The following EPHB3 variants were observed in gnomAD, a reference collection of about 807,000 sequenced individuals.
EPHB3 encodes EPH receptor B3.
EPHB3 carries 33 observed loss-of-function variants against 100.2 expected under a neutral mutation model. That is an observed-to-expected ratio of 0.33 (90% CI 0.25 to 0.44). EPHB3 has a LOEUF of 0.44. Ranked by LOEUF, EPHB3 falls within the 20% of genes least tolerant of loss-of-function variation. The pLI, the probability that EPHB3 is intolerant of heterozygous loss-of-function variation, is 1.00. For synonymous variants in EPHB3, 526 were observed against 554.7 expected (o/e 0.95, Z 0.73); for missense variants, 1,045 against 1,378.3 (o/e 0.76, Z 3.83).
At position 184,578,140 on chromosome 3, in the gene EPHB3, T is replaced by C. The variant is rs1211605996; in HGVS notation, c.1748+134T>C. The C allele has an allele frequency of 2.0e-5, 20 of 1,019,922 alleles. No homozygotes were observed. The African/African-American group carries it at 2.8e-4, about 14-fold the overall frequency. The allele number at this position is 1,019,922 out of a possible 1,614,324, so 63.2% of individuals were successfully genotyped here. A position where few individuals can be genotyped will look rare whatever the true frequency, so the allele number is the denominator to read the frequency against. ...GCCTTAGCCCTCCTGGGGCCAGCCGTTGCTGGAGAAGCCCTCTCCCATCCC... is the reference window on the plus strand; with the variant it reads ...GCCTTAGCCCTCCTGGGGCCAGCCGCTGCTGGAGAAGCCCTCTCCCATCCC... On this transcript the variant is annotated intron_variant, in intron 8 of 15. Coordinates refer to ENST00000330394, the MANE Select transcript of EPHB3 (RefSeq NM_004443.4). The surrounding 1 kb of genome is among the most constrained non-coding windows in gnomAD (Gnocchi z 4.7).
rs570615248 is a variant in EPHB3, at chr3:184,571,797, G to A, written c.183+415G>A. Among the ~76,000 whole-genome samples the A allele has an allele frequency of 9.5e-4, 144 of 152,192 alleles. 1 individual carries two copies. Among genetic ancestry groups the A allele is most frequent in the Non-Finnish European group, 1.4e-3 (94 of 67,998 alleles). On this transcript the variant is annotated intron_variant, in intron 2 of 15. Coordinates refer to ENST00000330394, the MANE Select transcript of EPHB3 (RefSeq NM_004443.4). The surrounding 1 kb of genome is among the most constrained non-coding windows in gnomAD (Gnocchi z 5.0). ...CCCTCTGGGTGGCCACTTCTTGACTGTTAAATTCCCGCAGTCCGGACCTCT... is the reference window on the plus strand; with the variant it reads ...CCCTCTGGGTGGCCACTTCTTGACTATTAAATTCCCGCAGTCCGGACCTCT...
rs545810094 is a variant in EPHB3, at chr3:184,566,605, G to A, written c.118+4252G>A. On this transcript the variant is annotated intron_variant, in intron 1 of 15. Transcript: ENST00000330394. ...ACACATCCTGACCCATGGGAGGGGA[G>A]CCAGCTTGGTGGCTGAGGAAGGGAC... Among the ~76,000 whole-genome samples the A allele has an allele frequency of 3.3e-5, 5 of 152,328 alleles. No homozygotes were observed. In the South Asian group the frequency reaches 6.2e-4, roughly 19 times the overall value.
At chr3:184,567,797 G>C (rs1395568537) in intron 1 of EPHB3, among the ~76,000 whole-genome samples, 1 of 152,212 alleles carries the variant, frequency 6.6e-6, no homozygotes, top group Non-Finnish European at 1.5e-5. Flanking sequence ...TGCAGGGTTG[G>C]GGGTGAGTGC....
intron 4 of EPHB3, 131 bp downstream of exon 4, chr3:184,576,116 G>T: frequency 7.7e-7 from 1 of 1,295,248 alleles, no homozygotes; most frequent in South Asian, 1.6e-5. Context: ...GAAGTTAGAT[G>T]TTGCGCTCAA....
Position 184,562,350 on chromosome 3 carries a change from G to A in EPHB3, c.115G>A (p.Glu39Lys). Residue 39 changes from glutamate to lysine, a missense_variant, in exon 1 of 16, where the codon GAA becomes AAA. Glu to Lys is a moderately conservative substitution (Grantham distance 56). This residue lies in a region of EPHB3 where 60 missense variants were observed against 47.2 expected (regional missense o/e 1.27). Coordinates refer to ENST00000330394, the MANE Select transcript of EPHB3 (RefSeq NM_004443.4). The surrounding 1 kb of genome is among the most constrained non-coding windows in gnomAD (Gnocchi z 4.8). ...GCTGCCCGCCGGCTGCCGGGCGCTG[G>A]AAGGTGAGCGGCGTCGGGGGGCGCG... The part of the protein sequence containing the change: ...LLLPAGCRAL[E>K]ETLMDTKWVT... 8.1e-7 allele frequency: 1 copy of A among 1,232,694 alleles called. No homozygotes were observed. Among genetic ancestry groups the A allele is most frequent in the East Asian group, 3.4e-5 (1 of 29,476 alleles). 76.4% of individuals were successfully genotyped at this position (1,232,694 alleles called of 1,614,324 possible).
In EPHB3 at chr3:184,577,122, C is replaced by T; in HGVS notation, c.1293C>T (p.Val431=). 6.2e-7 allele frequency: 1 copy of T among 1,612,200 alleles called. No homozygotes were observed. The highest frequency in any genetic ancestry group is 8.5e-7 in the Non-Finnish European group (1 of 1,179,012). The change falls in exon 5 of 16, where the codon GTC becomes GTT. Residue 431 remains valine (V), a synonymous_variant. Coordinates refer to ENST00000330394, the MANE Select transcript of EPHB3 (RefSeq NM_004443.4). The surrounding 1 kb of genome is among the most constrained non-coding windows in gnomAD (Gnocchi z 4.9). ...TTGAGGTGCAGGCGGTCAACGGTGT[C>T]TCGGGCAAGAGCCCTCTGCCGCCTC... ...YTFEVQAVNG[V]SGKSPLPPRY...
At chr3:184,566,697 G>A (rs988844373) in intron 1 of EPHB3, among the ~76,000 whole-genome samples, 8 of 152,292 alleles carry the variant, frequency 5.3e-5, no homozygotes, top group African/African-American at 1.9e-4. Flanking sequence ...TCCTCCTTGC[G>A]CAGACCCTGG....
Position 184,579,442 on chromosome 3 carries a change from C to T in EPHB3, c.1802-35C>T, listed in dbSNP as rs749599199. On this transcript the variant is annotated intron_variant, in intron 9 of 15. Coordinates refer to ENST00000330394, the MANE Select transcript of EPHB3 (RefSeq NM_004443.4). This position sits in a 1 kb window ranked among gnomAD's most constrained non-coding sequence, Gnocchi z 5.2. Reference sequence around the variant, plus strand: ...CCATCGCAGGGAGAGGCTGGCTTGACGTTACCCTCTCACGCCCACCTCTTC... The same window carrying T: ...CCATCGCAGGGAGAGGCTGGCTTGATGTTACCCTCTCACGCCCACCTCTTC... 30 of 1,605,546 alleles carry T rather than the reference C, an allele frequency of 1.9e-5. No homozygotes were observed. The highest frequency in any genetic ancestry group is 9.9e-5 in the South Asian group (9 of 90,568).
rs368055350 is a variant in EPHB3, at chr3:184,579,933, G to T, written c.2171G>T (p.Arg724Leu). The change falls in exon 11 of 16, where the codon CGG (arginine) becomes CTG (leucine). Residue 724 changes from arginine to leucine, a missense_variant and splice_region_variant. Physicochemically the swap from Arg to Leu is moderately radical, Grantham distance 102. Around this residue, in one of 2 missense-constraint regions of EPHB3, gnomAD observed 985 missense variants for 1,331.1 expected, o/e 0.74. Transcript: ENST00000330394. This position sits in a 1 kb window ranked among gnomAD's most constrained non-coding sequence, Gnocchi z 5.2. ...AACTGCGCCCTGGACTCCTTCCTCC[G>T]GGTAAGAGCCAGCCCCCAGGCCCTC... ...MENCALDSFL[R>L]LNDGQFTVIQ... 3 of 1,612,394 alleles carry T rather than the reference G, an allele frequency of 1.9e-6. No individual in the cohort carries two copies. Among genetic ancestry groups the T allele is most frequent in the African/African-American group, 2.7e-5 (2 of 74,882 alleles).
In EPHB3 at chr3:184,576,761, T is replaced by C. The variant is rs902535627; in HGVS notation, c.1013-81T>C. The C allele has an allele frequency of 1.2e-5, 16 of 1,385,184 alleles. No individual in the cohort carries two copies. The African/African-American group carries it at 2.0e-4, about 18-fold the overall frequency. 85.8% of individuals were successfully genotyped at this position (1,385,184 alleles called of 1,614,324 possible). On this transcript the variant is annotated intron_variant, in intron 4 of 15. Transcript: ENST00000330394. Reference sequence around the variant, plus strand: ...GCAAGGCAAGGAGGTAGAAAGCAGATTGGAGTGTGCTGGAACTCCGGGCAG... The same window carrying C: ...GCAAGGCAAGGAGGTAGAAAGCAGACTGGAGTGTGCTGGAACTCCGGGCAG...
Position 184,578,096 on chromosome 3 carries a change from C to A in EPHB3, c.1748+90C>A, listed in dbSNP as rs571686533. ...TCATGCCACAGAGATGAGCCGCCAC[C>A]ACTTCCCTCAGACCCAGGGCCTTAG... On this transcript the variant is annotated intron_variant, in intron 8 of 15. Coordinates refer to ENST00000330394, the MANE Select transcript of EPHB3 (RefSeq NM_004443.4). This position sits in a 1 kb window ranked among gnomAD's most constrained non-coding sequence, Gnocchi z 4.7. 87 of 1,399,886 alleles carry A rather than the reference C, an allele frequency of 6.2e-5. 2 individuals are homozygous for A. The South Asian group carries it at 1.1e-3, about 18-fold the overall frequency. The allele number at this position is 1,399,886 out of a possible 1,614,324, so 86.7% of individuals were successfully genotyped here. A position where few individuals can be genotyped will look rare whatever the true frequency, so the allele number is the denominator to read the frequency against.
At position 184,572,505 on chromosome 3, in the gene EPHB3, G is replaced by T; in HGVS notation, c.185G>T (p.Trp62Leu). ...TCTTTTTCATTGGTCCATGCACAGT[G>T]GGAAGAGGTGAGTGGCTACGATGAG... ...LAWTSHPESG[W>L]EEVSGYDEAM... is the part of the protein sequence containing the mutation. The change falls in exon 3 of 16, where the codon TGG (tryptophan) becomes TTG (leucine). Residue 62 changes from tryptophan (W) to leucine (L), a missense_variant and splice_region_variant. Transcript: ENST00000330394. The surrounding 1 kb of genome is among the most constrained non-coding windows in gnomAD (Gnocchi z 6.6). 6.4e-7 allele frequency: 1 copy of T among 1,560,956 alleles called. No individual in the cohort carries two copies. Among genetic ancestry groups the T allele is most frequent in the Non-Finnish European group, 8.6e-7 (1 of 1,158,716 alleles).
Position 184,573,306 on chromosome 3 carries a change from A to G in EPHB3, c.856+130A>G, listed in dbSNP as rs1577526532. 1 of 1,149,070 alleles carries G rather than the reference A, an allele frequency of 8.7e-7. No individual in the cohort carries two copies. The highest frequency in any genetic ancestry group is 1.2e-6 in the Non-Finnish European group (1 of 815,878). The allele number at this position is 1,149,070 out of a possible 1,614,324, so 71.2% of individuals were successfully genotyped here. A position where few individuals can be genotyped will look rare whatever the true frequency, so the allele number is the denominator to read the frequency against. On this transcript the variant is annotated intron_variant, in intron 3 of 15. Transcript: ENST00000330394. This position sits in a 1 kb window ranked among gnomAD's most constrained non-coding sequence, Gnocchi z 4.5. Reference sequence around the variant, plus strand: ...GGAGCAGGTCCACAGTGGAGGCAGGAGAGGGAAGAGTGGGGATCAGATGCA... The same window carrying G: ...GGAGCAGGTCCACAGTGGAGGCAGGGGAGGGAAGAGTGGGGATCAGATGCA...
Position 184,578,426 on chromosome 3 carries a change from C to T in EPHB3, c.1761C>T (p.His587=), listed in dbSNP as rs143288110. Residue 587 remains histidine (H), a synonymous_variant, in exon 9 of 16, where the codon CAC becomes CAT. Coordinates refer to ENST00000330394, the MANE Select transcript of EPHB3 (RefSeq NM_004443.4). This position sits in a 1 kb window ranked among gnomAD's most constrained non-coding sequence, Gnocchi z 4.7. The part of the protein sequence containing the change: ...IAIVCLRKQR[H]GSDSEYTEKL... ...TGCCACCCTACAGGAAGCAGCGACA[C>T]GGCTCTGATTCGGAGTACACGGAGA... 58 of 1,613,918 alleles carry T rather than the reference C, an allele frequency of 3.6e-5. No homozygotes were observed. Among genetic ancestry groups the T allele is most frequent in the East Asian group, 1.3e-4 (6 of 44,886 alleles).
rs545742256 is a variant in EPHB3 at position 184,582,161 on chromosome 3, G to C, written c.*539G>C. ...GGGCCCTGTCCCCACCCCCGCCCTT[G>C]GTGCTGTCATAAAAGGGCAGGCAGG... On this transcript the variant is annotated 3_prime_UTR_variant, in exon 16 of 16. Transcript: ENST00000330394. 1 of 159,776 alleles carries C rather than the reference G, an allele frequency of 6.3e-6. No homozygotes were observed. The highest frequency in any genetic ancestry group is 2.4e-5 in the African/African-American group (1 of 41,612). The allele number at this position is 159,776 out of a possible 1,614,324, so 9.9% of individuals were successfully genotyped here.
rs1273238346 is a variant in EPHB3, at chr3:184,563,353, T to C, written c.118+1000T>C. On this transcript the variant is annotated intron_variant, in intron 1 of 15. Transcript: ENST00000330394. This position sits in a 1 kb window ranked among gnomAD's most constrained non-coding sequence, Gnocchi z 4.1. ...AGTGGAGGGAGGGACGCCACAGAAA[T>C]TCGAGGGCAATTGGAATAAAGGCAG... Among the ~76,000 whole-genome samples, 1 of 152,070 alleles carries C rather than the reference T, an allele frequency of 6.6e-6. No homozygotes were observed. The highest frequency in any genetic ancestry group is 1.9e-4 in the East Asian group (1 of 5,182).
chr3:184,580,022 C>A (rs866937032), intron 11 of EPHB3, 88 bp downstream of exon 11: 3 of 1,540,928 alleles, frequency 1.9e-6, no homozygotes, highest in Non-Finnish European at 2.6e-6. Context: ...AGCCCCTATT[C>A]AAGTCCATAA....
rs1468323021 is a variant in EPHB3 at position 184,572,298 on chromosome 3, G to A, written c.184-206G>A. Among the ~76,000 whole-genome samples, 1 of 152,126 alleles carries A rather than the reference G, an allele frequency of 6.6e-6. No individual in the cohort carries two copies. The highest frequency in any genetic ancestry group is 1.5e-5 in the Non-Finnish European group (1 of 68,040). ...TTATTATCCCCATGTTACAGATGGG[G>A]AAACTGAGGCACATGGCGGTTAAGT... On this transcript the variant is annotated intron_variant, in intron 2 of 15. Transcript: ENST00000330394. The surrounding 1 kb of genome is among the most constrained non-coding windows in gnomAD (Gnocchi z 6.6).
chr3:184,578,093 C>T lies in EPHB3; in HGVS notation c.1748+87C>T, dbSNP rs1197024665. ...CCCTCATGCCACAGAGATGAGCCGC[C>T]ACCACTTCCCTCAGACCCAGGGCCT... On this transcript the variant is annotated intron_variant, in intron 8 of 15. Transcript: ENST00000330394. This position sits in a 1 kb window ranked among gnomAD's most constrained non-coding sequence, Gnocchi z 4.7. The T allele has an allele frequency of 7.1e-6, 10 of 1,417,660 alleles. No individual in the cohort carries two copies. Among genetic ancestry groups the T allele is most frequent in the South Asian group, 3.9e-5 (3 of 76,210 alleles). The allele number at this position is 1,417,660 out of a possible 1,614,324, so 87.8% of individuals were successfully genotyped here. A position where few individuals can be genotyped will look rare whatever the true frequency, so the allele number is the denominator to read the frequency against.
Sources: allele counts gnomAD v4.1 joint callset (sites outside exome capture counted in the v4.1 genomes callset), GRCh38; gene constraint gnomAD v4.1.1; regional missense constraint gnomAD v4.1.1; non-coding constraint Gnocchi (gnomAD v3.1); transcripts MANE v1.5; gene names NCBI Gene and HGNC (gene_info 2026-07-23, HGNC 2026-07-21).